PDZD9: variants seen among roughly 807,000 people sequenced by gnomAD.
PDZD9 encodes the protein PDZ domain containing 9.
In PDZD9, 13 loss-of-function variants were observed where a neutral mutation model predicts 16.3. The observed-to-expected ratio is 0.80, with a 90% CI of 0.52 to 1.27. The LOEUF (loss-of-function observed/expected upper bound fraction) is 1.27, where lower values mean the gene tolerates loss of function less well. Ranked by LOEUF, PDZD9 falls within the 50% of genes most tolerant of loss-of-function variation. The pLI, the probability that PDZD9 is intolerant of heterozygous loss-of-function variation, is 0.00. For missense variants in PDZD9, 288 were observed against 310.9 expected (o/e 0.93, Z 0.55); for synonymous variants, 120 against 111.0 (o/e 1.08, Z -0.51).
chr16:21,995,407 T>C, intron 2 of PDZD9: 1 of 338,684 alleles, frequency 3.0e-6, no homozygotes. Context: ...ATAGACAGCA[T>C]CTCACTGTGT....
intron 2 of PDZD9, among the ~76,000 whole-genome samples, chr16:21,989,833 C>T (rs1050386128): frequency 1.3e-5 from 2 of 152,140 alleles, no homozygotes; most frequent in Non-Finnish European, 2.9e-5. Context: ...CCCCCGAAAC[C>T]CCCAAATTGA....
chr16:21,996,171 C>T, intron 2 of PDZD9, 151 bp downstream of exon 2: 1 of 952,662 alleles, frequency 1.0e-6, no homozygotes, highest in Non-Finnish European at 1.5e-6. Context: ...GTGATCCACC[C>T]CGCCTTGGCC....
the PDZD9 span, chr16:21,963,071 C>G: frequency 1.7e-6 from 1 of 591,080 alleles, no homozygotes; most frequent in Non-Finnish European, 2.6e-6. Context: ...TCACTGCAAC[C>G]TCCAGCTCCC....
the PDZD9 span, chr16:21,962,059 G>A: frequency 1.7e-5 from 3 of 176,110 alleles, no homozygotes; most frequent in East Asian, 4.5e-4. Context: ...TTCTGTACCT[G>A]TTAAACAATG....
the PDZD9 span, among the ~76,000 whole-genome samples, chr16:21,975,412 G>A: frequency 1.3e-5 from 2 of 152,138 alleles, no homozygotes; most frequent in Non-Finnish European, 2.9e-5. Context: ...CAGGTCTGGG[G>A]TGTGGCTCTG....
At chr16:21,971,351 A>G in the PDZD9 span, among the ~76,000 whole-genome samples, 1 of 152,240 alleles carries the variant, frequency 6.6e-6, no homozygotes, top group East Asian at 1.9e-4. Context: ...ATAGTTTAGT[A>G]ATAGTAAACT....
At chr16:21,968,655 A>G in the PDZD9 span, 1 of 1,609,722 alleles carries the variant, frequency 6.2e-7, no homozygotes, top group East Asian at 2.2e-5. Flanking sequence ...GAACCATTTC[A>G]CAAGTGCAAG....
chr16:21,970,608 CAG>C, the PDZD9 span, among the ~76,000 whole-genome samples: 1 of 152,046 alleles, frequency 6.6e-6, no homozygotes, highest in African/African-American at 2.4e-5. Flanking sequence ...TTTTTTGAGA[CAG>C]AGGCTTGCTC....
At chr16:21,962,991 A>ATT in the PDZD9 span, 1 of 1,352,314 alleles carries the variant, frequency 7.4e-7, no homozygotes, top group Non-Finnish European at 9.8e-7. Context: ...TTTTATTTTT[A>ATT]TTTATTTATT....
At chr16:21,971,644 T>A in the PDZD9 span, 1 of 1,607,182 alleles carries the variant, frequency 6.2e-7, no homozygotes, top group Non-Finnish European at 8.5e-7. Flanking sequence ...TCTATTAGGG[T>A]TAATTTATCA....
chr16:21,982,041 C>T (rs1476336789), downstream of PDZD9, among the ~76,000 whole-genome samples: 3 of 151,760 alleles, frequency 2.0e-5, no homozygotes, highest in Non-Finnish European at 4.4e-5. Context: ...GGGGTTTTAC[C>T]ATGTTAGCCA....
the PDZD9 span, chr16:21,962,362 G>A: frequency 1.4e-6 from 2 of 1,444,544 alleles, no homozygotes; most frequent in South Asian, 2.4e-5. Flanking sequence ...TTATACTTCA[G>A]AAATTTTCTT....
downstream of PDZD9, among the ~76,000 whole-genome samples, chr16:21,982,073 C>T (rs749984242): frequency 6.6e-6 from 1 of 151,950 alleles, no homozygotes; most frequent in Non-Finnish European, 1.5e-5. Context: ...ATCTCCTGAC[C>T]TCGTGATCCA....
the PDZD9 span, among the ~76,000 whole-genome samples, chr16:21,968,000 CTTTTTTTTT>C: frequency 2.2e-5 from 3 of 137,132 alleles, no homozygotes; most frequent in Non-Finnish European, 4.8e-5. Flanking sequence ...CTTTTTATTC[CTTTTTTTTT>C]TTTTTTTTTT....
At position 21,984,150 on chromosome 16, in the gene PDZD9, A is replaced by C; in HGVS notation, c.*117T>G. On this transcript the variant is annotated 3_prime_UTR_variant, in exon 4 of 4. Transcript: ENST00000424898. Reference sequence around the variant, plus strand: ...TCTAAAGGCTTTATAACGCAGTCATAAGAGAAGAGAATTGGTGAGTCTACA... The same window carrying C: ...TCTAAAGGCTTTATAACGCAGTCATCAGAGAAGAGAATTGGTGAGTCTACA... The C allele has an allele frequency of 8.7e-7, 1 of 1,144,090 alleles. No homozygotes were observed. The highest frequency in any genetic ancestry group is 1.2e-6 in the Non-Finnish European group (1 of 811,424). The allele number at this position is 1,144,090 out of a possible 1,614,324, so 70.9% of individuals were successfully genotyped here.
At chr16:21,978,403 A>T in the PDZD9 span, among the ~76,000 whole-genome samples, 1 of 152,224 alleles carries the variant, frequency 6.6e-6, no homozygotes, top group Admixed American at 6.5e-5. Context: ...CACCATGTCT[A>T]TAAGTAATAA....
chr16:21,987,247 TCG>T (rs1898898276), intron 3 of PDZD9, among the ~76,000 whole-genome samples: 1 of 151,918 alleles, frequency 6.6e-6, no homozygotes, highest in Non-Finnish European at 1.5e-5. Context: ...TGGTGAAACT[TCG>T]TCTCTATTAA....
intron 1 of PDZD9, 36 bp from the exon 2 acceptor site, chr16:21,996,537 C>T: frequency 6.6e-7 from 1 of 1,507,140 alleles, no homozygotes; most frequent in Non-Finnish European, 8.9e-7. Flanking sequence ...CAGTCCTTCA[C>T]CAAGACAGAA....
At chr16:21,992,346 C>T (rs534408732) in intron 2 of PDZD9, among the ~76,000 whole-genome samples, 1 of 152,256 alleles carries the variant, frequency 6.6e-6, no homozygotes, top group Non-Finnish European at 1.5e-5. Context: ...AAAGACATAA[C>T]AAATGAGCCA....
Sources: gnomAD v4.1 joint callset for allele counts (sites outside exome capture counted in the v4.1 genomes callset) on GRCh38, gnomAD v4.1.1 for gene constraint, MANE v1.5 for transcripts, NCBI Gene and HGNC (gene_info 2026-07-23, HGNC 2026-07-21) for gene names.